The following SLCO4C1 variants were observed in gnomAD, a reference collection of about 807,000 sequenced individuals.
The protein encoded by SLCO4C1 is organic anion transporter M1.
A neutral mutation model predicts 72.1 loss-of-function variants in SLCO4C1; 58 were observed. That is an observed-to-expected ratio of 0.80 (90% CI 0.65 to 1.00). SLCO4C1 has a LOEUF of 1.00. SLCO4C1 is among the 50% of genes least tolerant of loss of function. The pLI is 0.00. For missense variants in SLCO4C1, 898 were observed against 857.9 expected (o/e 1.05, Z -0.58); for synonymous variants, 297 against 312.5 (o/e 0.95, Z 0.52).
At chr5:102,251,019 T>C (rs1580244123) in intron 8 of SLCO4C1, among the ~76,000 whole-genome samples, 1 of 151,062 alleles carries the variant, frequency 6.6e-6, no homozygotes, top group East Asian at 2.0e-4. Flanking sequence ...AAAGAATGAG[T>C]ACAAGTAAGC....
chr5:102,280,701 C>T (rs1015204112), intron 2 of SLCO4C1, among the ~76,000 whole-genome samples: 8 of 151,984 alleles, frequency 5.3e-5, no homozygotes, highest in Non-Finnish European at 1.2e-4. Flanking sequence ...TGGTCGCAGG[C>T]GAGAGAGCAT....
intron 12 of SLCO4C1, among the ~76,000 whole-genome samples, chr5:102,237,228 G>T (rs969224427): frequency 6.6e-6 from 1 of 152,114 alleles, no homozygotes; most frequent in African/African-American, 2.4e-5. Flanking sequence ...TTTCTAAGCT[G>T]TAATAGAGCA....
chr5:102,264,057 A>G (rs1284886404), intron 3 of SLCO4C1, among the ~76,000 whole-genome samples: 1 of 152,128 alleles, frequency 6.6e-6, no homozygotes, highest in Non-Finnish European at 1.5e-5. Flanking sequence ...TAGAGGTAGT[A>G]TATCTACCAT....
intron 4 of SLCO4C1, 70 bp from the exon 5 acceptor site, chr5:102,262,103 A>T: frequency 7.5e-7 from 1 of 1,325,644 alleles, no homozygotes. Context: ...TAGGATAATC[A>T]TATACTTTAT....
intron 2 of SLCO4C1, among the ~76,000 whole-genome samples, chr5:102,275,248 G>A (rs1244784420): frequency 6.6e-6 from 1 of 151,904 alleles, no homozygotes; most frequent in African/African-American, 2.4e-5. Context: ...GGGGCACATG[G>A]GTAAACTGAC....
At chr5:102,250,411 T>C (rs1183997400) in intron 8 of SLCO4C1, among the ~76,000 whole-genome samples, 1 of 152,152 alleles carries the variant, frequency 6.6e-6, no homozygotes, top group African/African-American at 2.4e-5. Flanking sequence ...CAAAAATGCA[T>C]CCCTTATACC....
intron 10 of SLCO4C1, among the ~76,000 whole-genome samples, chr5:102,243,237 G>A (rs186572370): frequency 2.1e-3 from 323 of 152,242 alleles, no homozygotes; most frequent in Non-Finnish European, 3.8e-3. Context: ...CTGACTTCTG[G>A]GTGGCACTTC....
intron 2 of SLCO4C1, among the ~76,000 whole-genome samples, chr5:102,277,075 C>T (rs928998689): frequency 1.4e-4 from 21 of 152,118 alleles, no homozygotes; most frequent in Middle Eastern, 3.4e-3. Context: ...TAGCAACCCA[C>T]AAATGCCAAA....
At position 102,246,878 on chromosome 5, in the gene SLCO4C1, G is replaced by A. The variant is rs191430607; in HGVS notation, c.1811+374C>T. The stretch of plus-strand genomic sequence containing the variant: ...TAGCACTGCTTAAGGAAGATTTAAC[G>A]TCACAGTGCCTAATGCATAAGGTAG... On this transcript the variant is annotated intron_variant, in intron 10 of 12. Coordinates refer to ENST00000310954, the MANE Select transcript of SLCO4C1 (RefSeq NM_180991.5). Among the ~76,000 whole-genome samples the A allele has an allele frequency of 1.1e-3, 162 of 152,144 alleles. 1 individual carries two copies. Among genetic ancestry groups the A allele is most frequent in the Non-Finnish European group, 1.5e-3 (101 of 67,982 alleles).
At chr5:102,282,945 G>A (rs1395033257) in intron 2 of SLCO4C1, among the ~76,000 whole-genome samples, 1 of 151,766 alleles carries the variant, frequency 6.6e-6, no homozygotes, top group South Asian at 2.1e-4. Flanking sequence ...ATTTTACAAA[G>A]TACATATCAT....
intron 10 of SLCO4C1, among the ~76,000 whole-genome samples, chr5:102,244,818 G>T (rs1195011230): frequency 6.6e-6 from 1 of 152,150 alleles, no homozygotes; most frequent in East Asian, 1.9e-4. Flanking sequence ...ACATGAAGGA[G>T]AAGTAAAGAC....
rs752310932 is a variant in SLCO4C1, at chr5:102,260,232, T to C, written c.1109A>G (p.Asp370Gly). The part of the protein sequence containing the change: ...ADVKFGKSIK[D>G]FPAALKNLMK... The stretch of plus-strand genomic sequence containing the variant: ...TTTTACCTTTAGAGCAGCTGGAAAA[T>C]CTTTAATACTTTTTCCAAATTTCAC... Residue 370 changes from aspartate to glycine, a missense_variant, in exon 6 of 13, where the codon GAT becomes GGT. By Grantham distance (94) the Asp-to-Gly change is moderately conservative. Coordinates refer to ENST00000310954, the MANE Select transcript of SLCO4C1 (RefSeq NM_180991.5). 1.6e-5 allele frequency: 22 copies of C among 1,383,426 alleles called. No homozygotes were observed. Among genetic ancestry groups the C allele is most frequent in the Non-Finnish European group, 2.0e-5 (21 of 1,056,162 alleles). 85.7% of individuals were successfully genotyped at this position (1,383,426 alleles called of 1,614,324 possible).
chr5:102,249,490 T>A, intron 9 of SLCO4C1, 148 bp downstream of exon 9: 1 of 738,670 alleles, frequency 1.4e-6, no homozygotes, highest in Admixed American at 3.3e-5. Flanking sequence ...GGAAAAAGAA[T>A]CTATTTCAGC....
At chr5:102,255,508 C>T (rs772962577) in intron 8 of SLCO4C1, among the ~76,000 whole-genome samples, 3 of 152,136 alleles carry the variant, frequency 2.0e-5, no homozygotes, top group African/African-American at 4.8e-5. Context: ...CTCTACCTAC[C>T]TTTCAACATT....
At chr5:102,276,811 G>A (rs1441102210) in intron 2 of SLCO4C1, among the ~76,000 whole-genome samples, 6 of 152,116 alleles carry the variant, frequency 3.9e-5, no homozygotes, top group Non-Finnish European at 4.4e-5. Flanking sequence ...AAGGATTAGC[G>A]AACAGTTATT....
chr5:102,271,058 T>C (rs1444926335), intron 2 of SLCO4C1, among the ~76,000 whole-genome samples: 1 of 152,094 alleles, frequency 6.6e-6, no homozygotes, highest in Non-Finnish European at 1.5e-5. Context: ...CTGTCAACAG[T>C]TCTTTTCAGT....
intron 9 of SLCO4C1, among the ~76,000 whole-genome samples, chr5:102,248,019 A>G (rs571846826): frequency 6.7e-6 from 1 of 148,558 alleles, no homozygotes; most frequent in East Asian, 2.0e-4. Context: ...AAAATTGACT[A>G]TTACATATTC....
At chr5:102,285,208 T>TACACAC (rs1296266871) in intron 2 of SLCO4C1, among the ~76,000 whole-genome samples, 1 of 74,258 alleles carries the variant, frequency 1.3e-5, no homozygotes, top group Non-Finnish European at 2.5e-5. Flanking sequence ...TTCATATATA[T>TACACAC]ACATACACAC....
rs772509258 is a variant in SLCO4C1, at chr5:102,270,654, C to T, written c.772G>A (p.Val258Met). 2 of 1,612,450 alleles carry T rather than the reference C, an allele frequency of 1.2e-6. No individual in the cohort carries two copies. The highest frequency in any genetic ancestry group is 8.5e-7 in the Non-Finnish European group (1 of 1,179,196). The change falls in exon 3 of 13, where the codon GTG becomes ATG. Residue 258 changes from valine (V) to methionine (M), a missense_variant. Physicochemically the swap from Val to Met is conservative, Grantham distance 21. Coordinates refer to ENST00000310954, the MANE Select transcript of SLCO4C1 (RefSeq NM_180991.5). ...TAGAGAGAAGACTTGTGTGTGGGCACAGAATCATCAAGAAAGGCTGTTCCC... is the reference window on the plus strand; with the variant it reads ...TAGAGAGAAGACTTGTGTGTGGGCATAGAATCATCAAGAAAGGCTGTTCCC... Reference protein sequence around the residue: ...TLGTAFLDDSVPTHKSSLYIG... With the variant: ...TLGTAFLDDSMPTHKSSLYIG...
Sources: gnomAD v4.1 joint callset for allele counts (sites outside exome capture counted in the v4.1 genomes callset) on GRCh38, gnomAD v4.1.1 for gene constraint, MANE v1.5 for transcripts, NCBI Gene and HGNC (gene_info 2026-07-23, HGNC 2026-07-21) for gene names.